The following PAG1 variants were observed in gnomAD, a reference collection of about 807,000 sequenced individuals.
PAG1 encodes phosphoprotein membrane anchor with glycosphingolipid microdomains 1.
A neutral mutation model predicts 31.7 loss-of-function variants in PAG1; 23 were observed. The observed-to-expected ratio is 0.73, with a 90% CI of 0.52 to 1.03. The LOEUF (loss-of-function observed/expected upper bound fraction) is 1.03, where lower values mean the gene tolerates loss of function less well. PAG1 is among the 50% of genes least tolerant of loss of function. The pLI is 0.00. For missense variants in PAG1, 473 were observed against 540.7 expected (o/e 0.87, Z 1.24); for synonymous variants, 214 against 210.3 (o/e 1.02, Z -0.15).
intron 3 of PAG1, among the ~76,000 whole-genome samples, chr8:81,017,438 T>C (rs11986362): frequency 0.012 from 1,780 of 152,186 alleles, 37 homozygotes; most frequent in African/African-American, 0.041. Context: ...ATCTTGTAGG[T>C]GAAATAAGAT....
At chr8:81,062,752 C>T (rs1245863703) in intron 2 of PAG1, among the ~76,000 whole-genome samples, 2 of 151,854 alleles carry the variant, frequency 1.3e-5, no homozygotes, top group African/African-American at 4.8e-5. Context: ...GTACATAGTT[C>T]ACTGCAGCCA....
intron 2 of PAG1, among the ~76,000 whole-genome samples, chr8:81,041,014 C>T (rs534277347): frequency 2.0e-5 from 3 of 152,266 alleles, no homozygotes; most frequent in African/African-American, 7.2e-5. Context: ...GTAACATGGC[C>T]GCATCTTTGC....
intron 4 of PAG1, among the ~76,000 whole-genome samples, chr8:80,992,220 T>C (rs1807566167): frequency 1.3e-5 from 2 of 152,246 alleles, no homozygotes; most frequent in South Asian, 4.1e-4. Context: ...ATTCAGACTC[T>C]GTCCCAGCCA....
At chr8:81,007,891 G>T (rs551531236) in intron 3 of PAG1, among the ~76,000 whole-genome samples, 2 of 152,258 alleles carry the variant, frequency 1.3e-5, no homozygotes, top group South Asian at 2.1e-4. Flanking sequence ...TGGTCCGGGG[G>T]AATCACTGTG....
chr8:81,105,136 C>T (rs781139111), intron 1 of PAG1, among the ~76,000 whole-genome samples: 10 of 152,134 alleles, frequency 6.6e-5, no homozygotes, highest in Non-Finnish European at 1.0e-4. Flanking sequence ...AGCCCGGCTG[C>T]GTTAGGAAAA....
At chr8:80,989,700 G>A (rs979589729) in intron 5 of PAG1, among the ~76,000 whole-genome samples, 1 of 152,180 alleles carries the variant, frequency 6.6e-6, no homozygotes, top group Non-Finnish European at 1.5e-5. Context: ...TGCTGACCTT[G>A]AGTAGAACAG....
chr8:81,048,986 C>T (rs1474826088), intron 2 of PAG1, among the ~76,000 whole-genome samples: 2 of 152,118 alleles, frequency 1.3e-5, no homozygotes, highest in African/African-American at 4.8e-5. Flanking sequence ...GTGATTCTGG[C>T]TAACGATTAT....
intron 1 of PAG1, among the ~76,000 whole-genome samples, chr8:81,086,181 C>T (rs1199844005): frequency 6.6e-6 from 1 of 151,278 alleles, no homozygotes; most frequent in Admixed American, 6.6e-5. Flanking sequence ...CGGGGTTTCA[C>T]CATGTTAGCC....
At chr8:81,039,209 A>C (rs901230029) in intron 2 of PAG1, among the ~76,000 whole-genome samples, 39 of 152,280 alleles carry the variant, frequency 2.6e-4, no homozygotes, top group African/African-American at 8.4e-4. Flanking sequence ...TATGTCCCCC[A>C]AAATTCATGT....
At chr8:81,021,392 T>C (rs928854681) in intron 3 of PAG1, among the ~76,000 whole-genome samples, 1 of 151,106 alleles carries the variant, frequency 6.6e-6, no homozygotes, top group African/African-American at 2.4e-5. Context: ...TACATTATTA[T>C]TATTATTTGG....
chr8:81,077,588 G>T (rs1809200123), intron 1 of PAG1, among the ~76,000 whole-genome samples: 1 of 152,048 alleles, frequency 6.6e-6, no homozygotes, highest in African/African-American at 2.4e-5. Flanking sequence ...ATTTCTTCAG[G>T]TGTAAAGAGA....
intron 3 of PAG1, among the ~76,000 whole-genome samples, chr8:81,023,585 A>G (rs1335977508): frequency 6.6e-6 from 1 of 151,884 alleles, no homozygotes; most frequent in Non-Finnish European, 1.5e-5. Context: ...CTTATCAGGA[A>G]CAATGTAAGG....
At chr8:81,042,433 T>C (rs990523482) in intron 2 of PAG1, among the ~76,000 whole-genome samples, 1 of 152,232 alleles carries the variant, frequency 6.6e-6, no homozygotes, top group Non-Finnish European at 1.5e-5. Flanking sequence ...TATGTTAACA[T>C]TACCTTTAAC....
intron 2 of PAG1, among the ~76,000 whole-genome samples, chr8:81,064,610 G>A (rs1284937258): frequency 2.6e-5 from 4 of 152,018 alleles, no homozygotes; most frequent in Admixed American, 2.6e-4. Flanking sequence ...TAACATAAAC[G>A]GTTAGATTCC....
intron 1 of PAG1, among the ~76,000 whole-genome samples, chr8:81,099,396 A>G (rs1385924224): frequency 1.3e-5 from 2 of 152,204 alleles, no homozygotes; most frequent in Non-Finnish European, 2.9e-5. Context: ...AAACAGGGAC[A>G]AAGCTGAGAA....
intron 3 of PAG1, among the ~76,000 whole-genome samples, chr8:81,020,321 G>A (rs1346507933): frequency 9.2e-5 from 14 of 152,242 alleles, no homozygotes; most frequent in Admixed American, 9.2e-4. Flanking sequence ...TTTGGGAGGG[G>A]CCAGGGGTAG....
chr8:81,080,253 A>C (rs185872635), intron 1 of PAG1, among the ~76,000 whole-genome samples: 6 of 152,208 alleles, frequency 3.9e-5, no homozygotes, highest in Admixed American at 3.9e-4. Flanking sequence ...TTTAGTGACT[A>C]GCCTTCGTAG....
chr8:81,108,900 T>G (rs978140434), intron 1 of PAG1, among the ~76,000 whole-genome samples: 2 of 152,226 alleles, frequency 1.3e-5, no homozygotes, highest in Non-Finnish European at 2.9e-5. Flanking sequence ...GGCCTCTCTC[T>G]GCCCAAGGGA....
chr8:81,040,101 G>C (rs1808529609), intron 2 of PAG1, among the ~76,000 whole-genome samples: 1 of 152,056 alleles, frequency 6.6e-6, no homozygotes, highest in Non-Finnish European at 1.5e-5. Flanking sequence ...TCATGTCTTT[G>C]AAAAGTCACT....
Sources: allele counts gnomAD v4.1 joint callset (sites outside exome capture counted in the v4.1 genomes callset), GRCh38; gene constraint gnomAD v4.1.1; transcripts MANE v1.5; gene names NCBI Gene and HGNC (gene_info 2026-07-23, HGNC 2026-07-21).